Variants in MGAM2 observed in about 807,000 individuals in gnomAD.
MGAM2 encodes the protein maltase-glucoamylase 2 (putative).
MGAM2 carries 98 observed loss-of-function variants against 96.1 expected under a neutral mutation model. The observed-to-expected ratio is 1.02, with a 90% CI of 0.87 to 1.21. The LOEUF is 1.21. MGAM2 is among the 50% of genes most tolerant of loss of function. The probability of loss-of-function intolerance (pLI) is 0.00; values close to 1 mark genes in which losing one functional copy is unlikely to be tolerated. For missense variants in MGAM2, 2,055 were observed against 1,182.4 expected (o/e 1.74, Z -10.82); for synonymous variants, 749 against 414.8 (o/e 1.81, Z -9.79).
intron 1 of MGAM2, among the ~76,000 whole-genome samples, chr7:142,116,520 C>T (rs1817407554): frequency 6.6e-6 from 1 of 152,190 alleles, no homozygotes; most frequent in Admixed American, 6.5e-5. Flanking sequence ...ATGTGAAGAT[C>T]AAAGTGAAAT....
chr7:142,205,742 T>C (rs1172177045), intron 45 of MGAM2, among the ~76,000 whole-genome samples: 1 of 152,158 alleles, frequency 6.6e-6, no homozygotes, highest in Non-Finnish European at 1.5e-5. Context: ...AAATATTCTC[T>C]CTCATTTAGC....
intron 37 of MGAM2, among the ~76,000 whole-genome samples, chr7:142,194,708 G>GTT (rs1796976793): frequency 6.6e-6 from 1 of 151,698 alleles, no homozygotes; most frequent in Non-Finnish European, 1.5e-5. Flanking sequence ...GTGTGTGTGT[G>GTT]TGTGTGTGTG....
intron 24 of MGAM2, among the ~76,000 whole-genome samples, chr7:142,165,319 T>C (rs530388160): frequency 4.9e-4 from 75 of 152,324 alleles, no homozygotes; most frequent in Non-Finnish European, 3.7e-4. Context: ...AGTGAATAGA[T>C]TGTGCAATGG....
At chr7:142,153,470 A>G (rs1795645997) in intron 15 of MGAM2, among the ~76,000 whole-genome samples, 1 of 152,210 alleles carries the variant, frequency 6.6e-6, no homozygotes, top group South Asian at 2.1e-4. Context: ...AAATTTGCTA[A>G]CATTGAGAAT....
intron 15 of MGAM2, among the ~76,000 whole-genome samples, chr7:142,151,262 C>G (rs890423074): frequency 6.6e-6 from 1 of 152,122 alleles, no homozygotes; most frequent in Non-Finnish European, 1.5e-5. Flanking sequence ...CTGATGACTT[C>G]GAGGCAGAGA....
intron 20 of MGAM2, 48 bp downstream of exon 20, chr7:142,159,391 G>A (rs1027692181): frequency 1.1e-5 from 8 of 699,662 alleles, no homozygotes; most frequent in Non-Finnish European, 2.1e-5. Context: ...TCTAGCAGAG[G>A]GCAATTCTAA....
At chr7:142,169,486 A>G (rs1488926027) in intron 26 of MGAM2, among the ~76,000 whole-genome samples, 1 of 152,102 alleles carries the variant, frequency 6.6e-6, no homozygotes, top group East Asian at 1.9e-4. Flanking sequence ...GACTAATAAT[A>G]TGACAAAGAG....
intron 7 of MGAM2, among the ~76,000 whole-genome samples, chr7:142,135,720 A>C (rs1795037077): frequency 7.1e-6 from 1 of 141,196 alleles, no homozygotes; most frequent in African/African-American, 3.0e-5. Flanking sequence ...CAGCACTTAG[A>C]GTTACACACA....
intron 32 of MGAM2, among the ~76,000 whole-genome samples, chr7:142,176,110 G>C (rs57562066): frequency 8.1e-6 from 1 of 123,924 alleles, no homozygotes; most frequent in African/African-American, 3.4e-5. Flanking sequence ...AAAAAAAAAG[G>C]GGGGGGCATC....
Position 142,131,637 on chromosome 7 carries a change from G to A in MGAM2, c.420+10G>A. 1 of 702,950 alleles carries A rather than the reference G, an allele frequency of 1.4e-6. No individual in the cohort carries two copies. The allele number at this position is 702,950 out of a possible 1,614,324, so 43.5% of individuals were successfully genotyped here. A position where few individuals can be genotyped will look rare whatever the true frequency, so the allele number is the denominator to read the frequency against. On this transcript the variant is annotated intron_variant, in intron 5 of 47. Coordinates refer to ENST00000477922, the MANE Select transcript of MGAM2 (RefSeq NM_001293626.2). ...TCGGTTTCATTTTAAGGTTGGTTTGGGAGTGACTGCTAAATACATTTCTGA... is the reference window on the plus strand; with the variant it reads ...TCGGTTTCATTTTAAGGTTGGTTTGAGAGTGACTGCTAAATACATTTCTGA...
rs1398911731 is a variant in MGAM2, at chr7:142,187,791, G to A, written c.4164G>A (p.Arg1388=). ...EPSNFVDGSV[R]GCSNEMLNNP... The stretch of plus-strand genomic sequence containing the variant: ...CAAATTTTGTGGATGGATCTGTCAG[G>A]GGCTGCAGCAATGAAATGCTAAATA... Residue 1388 remains arginine (R), a synonymous_variant, in exon 36 of 48, where the codon AGG becomes AGA. Transcript: ENST00000477922. 1.4e-6 allele frequency: 1 copy of A among 702,462 alleles called. No homozygotes were observed. Among genetic ancestry groups the A allele is most frequent in the East Asian group, 2.7e-5 (1 of 37,298 alleles). 43.5% of individuals were successfully genotyped at this position (702,462 alleles called of 1,614,324 possible).
chr7:142,118,268 A>G (rs1370627871), intron 2 of MGAM2, among the ~76,000 whole-genome samples: 1 of 152,158 alleles, frequency 6.6e-6, no homozygotes, highest in Non-Finnish European at 1.5e-5. Context: ...CAGAGTATTT[A>G]TCCTTTTGTG....
chr7:142,216,564 G>A (rs75900026), intron 46 of MGAM2, among the ~76,000 whole-genome samples: 1,625 of 152,230 alleles, frequency 0.011, 33 homozygotes, highest in African/African-American at 0.037. Flanking sequence ...GTGGGGGTGG[G>A]AGATGATTTG....
At chr7:142,213,794 A>G (rs542165845) in intron 46 of MGAM2, among the ~76,000 whole-genome samples, 1 of 152,190 alleles carries the variant, frequency 6.6e-6, no homozygotes, top group Admixed American at 6.5e-5. Flanking sequence ...AACAAGAGGG[A>G]CTCTGCCCTA....
intron 37 of MGAM2, among the ~76,000 whole-genome samples, chr7:142,190,995 C>G (rs1257069984): frequency 6.6e-6 from 1 of 151,910 alleles, no homozygotes; most frequent in African/African-American, 2.4e-5. Flanking sequence ...ACTAGCCAGG[C>G]AGAATGGTGC....
intron 47 of MGAM2, among the ~76,000 whole-genome samples, chr7:142,219,574 G>A (rs1467568308): frequency 6.6e-6 from 1 of 152,174 alleles, no homozygotes; most frequent in Non-Finnish European, 1.5e-5. Flanking sequence ...GCAAAGCAAA[G>A]AGATTTTAAT....
rs185639754 is a variant in MGAM2, at chr7:142,126,919, A to G, written c.187-4029A>G. Among the ~76,000 whole-genome samples the G allele has an allele frequency of 1.9e-4, 29 of 152,322 alleles. No individual in the cohort carries two copies. In the Middle Eastern group the frequency reaches 0.01, roughly 54 times the overall value. On this transcript the variant is annotated intron_variant, in intron 3 of 47. Coordinates refer to ENST00000477922, the MANE Select transcript of MGAM2 (RefSeq NM_001293626.2). ...AATATAATAAGAAGTCCCAAAATGCATATTCACATGCTTATATGTATGCAC... is the reference window on the plus strand; with the variant it reads ...AATATAATAAGAAGTCCCAAAATGCGTATTCACATGCTTATATGTATGCAC...
chr7:142,120,217 CA>C, intron 2 of MGAM2, 84 bp from the exon 3 acceptor site: 1 of 677,530 alleles, frequency 1.5e-6, no homozygotes, highest in East Asian at 2.7e-5. Context: ...GAGAATTGGC[CA>C]AAAGTCTGTA....
chr7:142,153,059 G>A (rs539519743), intron 15 of MGAM2, among the ~76,000 whole-genome samples: 3 of 147,032 alleles, frequency 2.0e-5, no homozygotes, highest in Non-Finnish European at 4.5e-5. Flanking sequence ...GCAGTGGCAC[G>A]ATCTTGGCTC....
Sources: gnomAD v4.1 joint callset for allele counts (sites outside exome capture counted in the v4.1 genomes callset) on GRCh38, gnomAD v4.1.1 for gene constraint, MANE v1.5 for transcripts, NCBI Gene and HGNC (gene_info 2026-07-23, HGNC 2026-07-21) for gene names.